The following ARHGEF40 variants were observed in gnomAD, a reference collection of about 807,000 sequenced individuals.
ARHGEF40 encodes Rho guanine nucleotide exchange factor 40, also known as Rho guanine nucleotide exchange factor (GEF) 40.
ARHGEF40 carries 98 observed loss-of-function variants against 165.9 expected under a neutral mutation model. That is an observed-to-expected ratio of 0.59 (90% CI 0.50 to 0.70). The LOEUF (loss-of-function observed/expected upper bound fraction) is 0.70. Ranked by LOEUF, ARHGEF40 falls within the 30% of genes least tolerant of loss-of-function variation. ARHGEF40 has a pLI of 0.00. For missense variants in ARHGEF40, 1,815 were observed against 1,968.0 expected (o/e 0.92, Z 1.47); for synonymous variants, 792 against 814.3 (o/e 0.97, Z 0.47).
intron 21 of ARHGEF40, 105 bp from the exon 22 acceptor site, chr14:21,087,863 C>A: frequency 6.7e-7 from 1 of 1,502,930 alleles, no homozygotes; most frequent in Non-Finnish European, 9.1e-7. Flanking sequence ...TGACTCACAG[C>A]TTCCTGTTGC....
Position 21,084,065 on chromosome 14 carries a change from CCA to C in ARHGEF40, c.3789+16_3789+17del. On this transcript the variant is annotated intron_variant, in intron 17 of 23. Coordinates refer to ENST00000298694, the MANE Select transcript of ARHGEF40 (RefSeq NM_018071.5). ...GTGGCTGTGAGGTGAGGCCCTAGCTCCAGTCACTGCTGCTCAAACTGCCCAGC... is the reference window on the plus strand; with the variant it reads ...GTGGCTGTGAGGTGAGGCCCTAGCTCGTCACTGCTGCTCAAACTGCCCAGC... 1.3e-6 allele frequency: 2 copies of C among 1,587,226 alleles called. No homozygotes were observed. The highest frequency in any genetic ancestry group is 1.1e-5 in the South Asian group (1 of 87,992).
At position 21,074,729 on chromosome 14, in the gene ARHGEF40, G is replaced by A. The variant is rs1887264589; in HGVS notation, c.999G>A (p.Val333=). The A allele has an allele frequency of 1.9e-6, 3 of 1,603,782 alleles. No individual in the cohort carries two copies. Among genetic ancestry groups the A allele is most frequent in the South Asian group, 1.1e-5 (1 of 90,034 alleles). The part of the protein sequence containing the change: ...EAVPEAAVLE[V]SEPPAEAVGE... Reference sequence around the variant, plus strand: ...TCCCAGAGGCAGCAGTCTTGGAGGTGTCTGAGCCCCCAGCAGAGGCTGTGG... The same window carrying A: ...TCCCAGAGGCAGCAGTCTTGGAGGTATCTGAGCCCCCAGCAGAGGCTGTGG... Residue 333 remains valine (V), a synonymous_variant, in exon 3 of 24, where the codon GTG becomes GTA. Transcript: ENST00000298694. The surrounding 1 kb of genome is among the most constrained non-coding windows in gnomAD (Gnocchi z 4.8).
In ARHGEF40 at chr14:21,082,254, C is replaced by T. The variant is rs754976173; in HGVS notation, c.3262C>T (p.Arg1088Trp). The T allele has an allele frequency of 9.3e-6, 15 of 1,607,226 alleles. No homozygotes were observed. The highest frequency in any genetic ancestry group is 1.2e-5 in the Non-Finnish European group (14 of 1,175,190). The change falls in exon 15 of 24, where the codon CGG (arginine) becomes TGG (tryptophan). Residue 1088 changes from arginine to tryptophan, a missense_variant. Transcript: ENST00000298694. ...ERKRSISAQQ[R>W]LVSELIACEQ... ...CTATTGTGCCTGCAGTGCCCAGCAG[C>T]GGCTGGTGTCTGAGCTGATTGCCTG...
At chr14:21,078,606 C>T (rs144586878) in intron 10 of ARHGEF40, 118 bp downstream of exon 10, 2 of 1,080,908 alleles carry the variant, frequency 1.9e-6, no homozygotes, top group African/African-American at 3.2e-5. Context: ...GGGCAAGATA[C>T]TATGCTTTTA....
rs775695572 is a variant in ARHGEF40, at chr14:21,078,948, C to T, written c.2311C>T (p.Arg771Cys). 17 of 1,614,008 alleles carry T rather than the reference C, an allele frequency of 1.1e-5. 1 individual carries two copies. Among genetic ancestry groups the T allele is most frequent in the East Asian group, 6.7e-5 (3 of 44,896 alleles). ...EVDEAIHQLVRLSNLHVQQQE... is the reference protein window; with the variant it reads ...EVDEAIHQLVCLSNLHVQQQE... ...GGACGAGGCCATTCACCAGCTTGTG[C>T]GCCTCTCCAACCTGCACGTGCAGCA... is the stretch of plus-strand genomic sequence containing the variant. The change falls in exon 11 of 24, where the codon CGC (arginine) becomes TGC (cysteine). Residue 771 changes from arginine (R) to cysteine (C), a missense_variant. Coordinates refer to ENST00000298694, the MANE Select transcript of ARHGEF40 (RefSeq NM_018071.5).
chr14:21,088,205 T>C, intron 22 of ARHGEF40, 107 bp downstream of exon 22: 1 of 1,351,254 alleles, frequency 7.4e-7, no homozygotes, highest in South Asian at 1.5e-5. Context: ...AACTGTGAAC[T>C]TGTGCTCCCA....
At chr14:21,083,803 TC>T in intron 16 of ARHGEF40, 31 bp from the exon 17 acceptor site, 2 of 1,337,300 alleles carry the variant, frequency 1.5e-6, no homozygotes, top group South Asian at 2.4e-5. Context: ...GCTCCACCCC[TC>T]CCCTCATCCC....
chr14:21,082,623 T>C, intron 15 of ARHGEF40, 145 bp downstream of exon 15: 11 of 1,123,840 alleles, frequency 9.8e-6, no homozygotes, highest in Non-Finnish European at 1.4e-5. Context: ...TGTGGGCACT[T>C]CTGCCTCTAC....
chr14:21,087,334 G>A lies in ARHGEF40; in HGVS notation c.4258G>A (p.Ala1420Thr). 6.2e-7 allele frequency: 1 copy of A among 1,606,018 alleles called. No homozygotes were observed. The highest frequency in any genetic ancestry group is 8.5e-7 in the Non-Finnish European group (1 of 1,179,270). The change falls in exon 21 of 24, where the codon GCC becomes ACC. Residue 1420 changes from alanine (A) to threonine (T), a missense_variant. Ala to Thr is a moderately conservative substitution (Grantham distance 58). Coordinates refer to ENST00000298694, the MANE Select transcript of ARHGEF40 (RefSeq NM_018071.5). ...ACTCTCTGCAGCCGCCCGCACCCGG[G>A]CCTCCGTGGCCGTGTCATCCTTTGA... is the stretch of plus-strand genomic sequence containing the variant. ...LLTGRAARTR[A>T]SVAVSSFEHA...
At chr14:21,085,019 G>C in intron 18 of ARHGEF40, 96 bp downstream of exon 18, 1 of 1,449,440 alleles carries the variant, frequency 6.9e-7, no homozygotes, top group Non-Finnish European at 9.4e-7. Flanking sequence ...CAGAGGTTCA[G>C]AATCTGCATC....
chr14:21,073,565 G>A lies in ARHGEF40; in HGVS notation c.201+323G>A, dbSNP rs1887153241. Among the ~76,000 whole-genome samples, 1 of 151,678 alleles carries A rather than the reference G, an allele frequency of 6.6e-6. No individual in the cohort carries two copies. Among genetic ancestry groups the A allele is most frequent in the Non-Finnish European group, 1.5e-5 (1 of 68,006 alleles). On this transcript the variant is annotated intron_variant, in intron 2 of 23. Coordinates refer to ENST00000298694, the MANE Select transcript of ARHGEF40 (RefSeq NM_018071.5). The surrounding 1 kb of genome is among the most constrained non-coding windows in gnomAD (Gnocchi z 4.6). Reference sequence around the variant, plus strand: ...TCTCCCCCTCATATGAATTTCTCAAGACACTAACTCCCCCGTACATTAGTC... The same window carrying A: ...TCTCCCCCTCATATGAATTTCTCAAAACACTAACTCCCCCGTACATTAGTC...
At chr14:21,067,069 G>C (rs1319652543), upstream of ARHGEF40, among the ~76,000 whole-genome samples, 3 of 152,162 alleles carry the variant, frequency 2.0e-5, no homozygotes, top group Admixed American at 1.3e-4. Flanking sequence ...CTCTCCCAGG[G>C]AGAAATAGTG....
At position 21,072,436 on chromosome 14, in the gene ARHGEF40, A is replaced by G. The variant is rs1887024422; in HGVS notation, c.4-609A>G. The stretch of plus-strand genomic sequence containing the variant: ...CTTCAGAGCCACTGTGGGAGAAGGA[A>G]GAGGGATGCTAGAAAGACCCAAGAC... On this transcript the variant is annotated intron_variant, in intron 1 of 23. Transcript: ENST00000298694. The surrounding 1 kb of genome is among the most constrained non-coding windows in gnomAD (Gnocchi z 4.1). Among the ~76,000 whole-genome samples, 1 of 152,206 alleles carries G rather than the reference A, an allele frequency of 6.6e-6. No homozygotes were observed. Among genetic ancestry groups the G allele is most frequent in the Non-Finnish European group, 1.5e-5 (1 of 68,030 alleles).
upstream of ARHGEF40, among the ~76,000 whole-genome samples, chr14:21,065,776 T>G (rs561681883): frequency 5.9e-5 from 9 of 152,312 alleles, no homozygotes; most frequent in African/African-American, 2.2e-4. Context: ...ATTAAGCATC[T>G]TTAGGAATAA....
At position 21,082,861 on chromosome 14, in the gene ARHGEF40, G is replaced by A. The variant is rs191928592; in HGVS notation, c.3517G>A (p.Val1173Met). 9.0e-5 allele frequency: 146 copies of A among 1,614,064 alleles called. No homozygotes were observed. The Admixed American group carries it at 2.2e-3, about 24-fold the overall frequency. The change falls in exon 16 of 24, where the codon GTG (valine) becomes ATG (methionine). Residue 1173 changes from valine (V) to methionine (M), a missense_variant. Transcript: ENST00000298694. ...GDQFSLYAQY[V>M]KHRHKLENGL... The stretch of plus-strand genomic sequence containing the variant: ...CCAGTTCAGCCTTTATGCACAGTAC[G>A]TGAAGCACCGACACAAACTGGAGAA...
chr14:21,061,679 C>T, the ARHGEF40 span, among the ~76,000 whole-genome samples: 1 of 152,198 alleles, frequency 6.6e-6, no homozygotes, highest in African/African-American at 2.4e-5. Context: ...TATGTTCTAA[C>T]ATCCAGAAAA....
Position 21,082,380 on chromosome 14 carries a change from C to T in ARHGEF40, c.3388C>T (p.Arg1130Trp), listed in dbSNP as rs772040558. The change falls in exon 15 of 24, where the codon CGG becomes TGG. Residue 1130 changes from arginine to tryptophan, a missense_variant. Coordinates refer to ENST00000298694, the MANE Select transcript of ARHGEF40 (RefSeq NM_018071.5). The part of the protein sequence containing the change: ...RGTWAAALSA[R>W]ERLRSFHRTH... ...CACCTGGGCTGCTGCCCTGAGTGCCCGGGAAAGGCTTCGCAGCTTCCACCG... is the reference window on the plus strand; with the variant it reads ...CACCTGGGCTGCTGCCCTGAGTGCCTGGGAAAGGCTTCGCAGCTTCCACCG... 13 of 1,611,166 alleles carry T rather than the reference C, an allele frequency of 8.1e-6. No individual in the cohort carries two copies. The highest frequency in any genetic ancestry group is 2.7e-5 in the African/African-American group (2 of 74,914).
chr14:21,062,348 C>G, the ARHGEF40 span, among the ~76,000 whole-genome samples: 1 of 152,170 alleles, frequency 6.6e-6, no homozygotes, highest in Non-Finnish European at 1.5e-5. Context: ...GCTCAAGGCT[C>G]AGGCTCAAGG....
Position 21,074,628 on chromosome 14 carries a change from C to G in ARHGEF40, c.898C>G (p.Gln300Glu). The part of the protein sequence containing the change: ...MHQKGLGPRG[Q>E]DGARPPGEGS... ...CCAGAAGGGCCTGGGGCCTCGGGGC[C>G]AGGATGGAGCACGCCCACCCGGCGA... Residue 300 changes from glutamine (Q) to glutamate (E), a missense_variant, in exon 3 of 24, where the codon CAG (glutamine) becomes GAG (glutamate). Gln to Glu is a conservative substitution (Grantham distance 29). Transcript: ENST00000298694. This position sits in a 1 kb window ranked among gnomAD's most constrained non-coding sequence, Gnocchi z 4.8. 1.9e-6 allele frequency: 3 copies of G among 1,567,020 alleles called. No homozygotes were observed. Among genetic ancestry groups the G allele is most frequent in the Non-Finnish European group, 2.6e-6 (3 of 1,157,330 alleles).
Sources: allele counts gnomAD v4.1 joint callset (sites outside exome capture counted in the v4.1 genomes callset), GRCh38; gene constraint gnomAD v4.1.1; non-coding constraint Gnocchi (gnomAD v3.1); transcripts MANE v1.5; gene names NCBI Gene and HGNC (gene_info 2026-07-23, HGNC 2026-07-21).